The following SLC1A3 variants were observed in gnomAD, a reference collection of about 807,000 sequenced individuals.
The protein encoded by SLC1A3 is excitatory amino acid transporter 1.
SLC1A3 carries 21 observed loss-of-function variants against 48.1 expected under a neutral mutation model. The observed-to-expected ratio is 0.44, with a 90% CI of 0.31 to 0.63. The LOEUF (loss-of-function observed/expected upper bound fraction) is 0.63. SLC1A3 is among the 20% of genes least tolerant of loss of function. The pLI is 0.08. For synonymous variants in SLC1A3, 239 were observed against 251.4 expected (o/e 0.95, Z 0.47); for missense variants, 546 against 689.0 (o/e 0.79, Z 2.32).
At chr5:36,646,123 A>G (rs1038482501) in intron 3 of SLC1A3, among the ~76,000 whole-genome samples, 1 of 152,244 alleles carries the variant, frequency 6.6e-6, no homozygotes, top group Admixed American at 6.5e-5. Context: ...AAGCAAACCT[A>G]TATCATTAAG....
In SLC1A3 at chr5:36,686,072, C is replaced by A. The variant is rs1339572246; in HGVS notation, c.1432C>A (p.Leu478Ile). 1 of 1,614,134 alleles carries A rather than the reference C, an allele frequency of 6.2e-7. No homozygotes were observed. The highest frequency in any genetic ancestry group is 8.5e-7 in the Non-Finnish European group (1 of 1,179,990). ...TCCCCACCCTGCCTGCAGGGATCGC[C>A]TCCGGACCACCACCAACGTACTGGG... The part of the protein sequence containing the change: ...IIAVDWFLDR[L>I]RTTTNVLGDS... The change falls in exon 10 of 10, where the codon CTC becomes ATC. Residue 478 changes from leucine (L) to isoleucine (I), a missense_variant. By Grantham distance (5) the Leu-to-Ile change is conservative. Coordinates refer to ENST00000265113, the MANE Select transcript of SLC1A3 (RefSeq NM_004172.5).
intron 3 of SLC1A3, among the ~76,000 whole-genome samples, chr5:36,648,556 G>A (rs1318170700): frequency 3.3e-5 from 5 of 152,148 alleles, no homozygotes; most frequent in African/African-American, 4.8e-5. Context: ...GCTTGGATGG[G>A]CTTTGTTCAT....
intron 3 of SLC1A3, among the ~76,000 whole-genome samples, chr5:36,656,162 G>A (rs937484816): frequency 9.9e-5 from 15 of 152,022 alleles, no homozygotes; most frequent in Non-Finnish European, 1.5e-4. Flanking sequence ...CAACTACTGG[G>A]TAAAAAAAAT....
chr5:36,655,596 A>T (rs1189378522), intron 3 of SLC1A3, among the ~76,000 whole-genome samples: 6 of 152,054 alleles, frequency 3.9e-5, no homozygotes, highest in Non-Finnish European at 8.8e-5. Flanking sequence ...GATTGGGAAA[A>T]CTCCACTTGT....
chr5:36,677,749 G>A, intron 6 of SLC1A3, among the ~76,000 whole-genome samples: 1 of 152,202 alleles, frequency 6.6e-6, no homozygotes, highest in East Asian at 1.9e-4. Context: ...AGACCTGAAT[G>A]AACAGAGGAA....
chr5:36,619,409 G>T (rs1333095148), intron 2 of SLC1A3, among the ~76,000 whole-genome samples: 1 of 152,286 alleles, frequency 6.6e-6, no homozygotes, highest in East Asian at 1.9e-4. Context: ...GGGGGTTAAG[G>T]CAGGAGGATC....
chr5:36,684,567 C>T (rs530577930), intron 9 of SLC1A3, among the ~76,000 whole-genome samples: 5 of 152,280 alleles, frequency 3.3e-5, no homozygotes, highest in South Asian at 2.1e-4. Context: ...CCCATCCCTT[C>T]GCCCCCTTCC....
intron 1 of SLC1A3, among the ~76,000 whole-genome samples, chr5:36,597,742 C>G (rs776264024): frequency 6.6e-6 from 1 of 152,080 alleles, no homozygotes; most frequent in Non-Finnish European, 1.5e-5. Flanking sequence ...TGTCTTGCTC[C>G]CGCCATTTCT....
At chr5:36,602,157 T>C (rs1738816242), upstream of SLC1A3, among the ~76,000 whole-genome samples, 1 of 151,816 alleles carries the variant, frequency 6.6e-6, no homozygotes, top group South Asian at 2.1e-4. Flanking sequence ...TTGTAGGCCT[T>C]CCTTTTAATG....
At chr5:36,634,555 T>G (rs936298834) in intron 3 of SLC1A3, among the ~76,000 whole-genome samples, 1 of 152,176 alleles carries the variant, frequency 6.6e-6, no homozygotes, top group African/African-American at 2.4e-5. Context: ...TCCAGCTTCT[T>G]CCTGAACATA....
upstream of SLC1A3, among the ~76,000 whole-genome samples, chr5:36,601,509 C>A (rs1380995591): frequency 1.3e-5 from 2 of 152,184 alleles, no homozygotes; most frequent in Non-Finnish European, 2.9e-5. Context: ...TTAGTGACTG[C>A]ACACATAATG....
intron 2 of SLC1A3, among the ~76,000 whole-genome samples, chr5:36,625,766 TAGAGA>T (rs1377512319): frequency 6.6e-6 from 1 of 152,214 alleles, no homozygotes; most frequent in East Asian, 1.9e-4. Context: ...CTCCTCTCTA[TAGAGA>T]AGAGATGTCC....
At chr5:36,644,034 T>C (rs1579989392) in intron 3 of SLC1A3, among the ~76,000 whole-genome samples, 1 of 150,832 alleles carries the variant, frequency 6.6e-6, no homozygotes, top group Non-Finnish European at 1.5e-5. Context: ...AATAAATAAA[T>C]AAATAAATAA....
chr5:36,621,765 CA>C (rs1385304406), intron 2 of SLC1A3, among the ~76,000 whole-genome samples: 1 of 152,168 alleles, frequency 6.6e-6, no homozygotes, highest in Non-Finnish European at 1.5e-5. Context: ...AAGATAGAAG[CA>C]GCCTGGTAAG....
chr5:36,640,206 A>C (rs953466697), intron 3 of SLC1A3, among the ~76,000 whole-genome samples: 6 of 152,194 alleles, frequency 3.9e-5, no homozygotes, highest in Non-Finnish European at 7.3e-5. Context: ...TGAAGGACGG[A>C]TTTACCTGAA....
In SLC1A3 at chr5:36,680,491, T is replaced by G. The variant is rs1386076563; in HGVS notation, c.1191T>G (p.Ile397Met). 6.2e-7 allele frequency: 1 copy of G among 1,614,132 alleles called. No individual in the cohort carries two copies. Among genetic ancestry groups the G allele is most frequent in the Admixed American group, 1.7e-5 (1 of 60,026 alleles). ...TRFVLPVGAT[I>M]NMDGTALYEA... is the part of the protein sequence containing the mutation. ...TCGTGCTCCCCGTAGGAGCCACCAT[T>G]AACATGGATGGGACTGCCCTCTATG... Residue 397 changes from isoleucine to methionine, a missense_variant, in exon 8 of 10, where the codon ATT becomes ATG. Around this residue, in one of 3 missense-constraint regions of SLC1A3, gnomAD observed 142 missense variants for 238.0 expected, o/e 0.60. Transcript: ENST00000265113.
intron 9 of SLC1A3, among the ~76,000 whole-genome samples, chr5:36,684,436 G>C (rs1742564874): frequency 6.6e-6 from 1 of 152,224 alleles, no homozygotes; most frequent in African/African-American, 2.4e-5. Context: ...CCAATAGGGT[G>C]AGGCTGAGCT....
At chr5:36,675,936 T>C (rs1742187544) in intron 5 of SLC1A3, among the ~76,000 whole-genome samples, 1 of 151,802 alleles carries the variant, frequency 6.6e-6, no homozygotes, top group Non-Finnish European at 1.5e-5. Flanking sequence ...TCACCATTAT[T>C]ACTCTCACTG....
At chr5:36,603,124 T>C (rs2562575), upstream of SLC1A3, among the ~76,000 whole-genome samples, 39,065 of 152,144 alleles carry the variant, frequency 0.26, 7,289 homozygotes, top group African/African-American at 0.53. Flanking sequence ...TGGCTCCCCA[T>C]TGACTAGGAG....
Sources: gnomAD v4.1 joint callset for allele counts (sites outside exome capture counted in the v4.1 genomes callset) on GRCh38, gnomAD v4.1.1 for gene constraint, gnomAD v4.1.1 regional missense constraint, MANE v1.5 for transcripts, NCBI Gene and HGNC (gene_info 2026-07-23, HGNC 2026-07-21) for gene names.